NLRP1: variants seen among roughly 807,000 people sequenced by gnomAD.
NLRP1 encodes the protein NACHT, LRR and PYD domains-containing protein 1.
A neutral mutation model predicts 136.7 loss-of-function variants in NLRP1; 94 were observed. That is an observed-to-expected ratio of 0.69 (90% confidence interval 0.58 to 0.82). The LOEUF is 0.82. Ranked by LOEUF, NLRP1 falls within the 40% of genes least tolerant of loss-of-function variation. NLRP1 has a pLI of 0.00. For missense variants in NLRP1, 1,575 were observed against 1,802.7 expected, an observed-to-expected ratio of 0.87 and a Z score of 2.29; for synonymous variants, 690 against 725.1, an observed-to-expected ratio of 0.95 and a Z score of 0.78.
At chr17:5,582,580 C>T in intron 2 of NLRP1, 90 bp downstream of exon 2, 1 of 1,250,582 alleles carries the variant, frequency 8.0e-7, no homozygotes, top group Non-Finnish European at 1.1e-6. Flanking sequence ...CATGTCAGGT[C>T]CCCATGCACA....
At chr17:5,550,523 T>G (rs1913210895) in intron 5 of NLRP1, among the ~76,000 whole-genome samples, 1 of 152,210 alleles carries the variant, frequency 6.6e-6, no homozygotes, top group Admixed American at 6.5e-5. Context: ...TTTATTTCTG[T>G]AAGTTCAATT....
downstream of NLRP1, chr17:5,512,388 T>A: frequency 1.9e-6 from 2 of 1,072,394 alleles, no homozygotes; most frequent in Non-Finnish European, 2.9e-6. Flanking sequence ...ACTTGTAACA[T>A]CTTCTAGTGC....
chr17:5,550,213 G>A (rs560558361), intron 5 of NLRP1, among the ~76,000 whole-genome samples: 1 of 151,974 alleles, frequency 6.6e-6, no homozygotes, highest in East Asian at 1.9e-4. Flanking sequence ...TGGTCTCATA[G>A]AACAAATTGG....
intron 16 of NLRP1, 111 bp downstream of exon 16, chr17:5,515,362 T>C (rs1907955314): frequency 1.0e-6 from 1 of 960,228 alleles, no homozygotes; most frequent in East Asian, 2.4e-5. Flanking sequence ...CCTGACTCTT[T>C]GTGAGGTTTG....
chr17:5,538,186 G>A (rs1379805865), intron 7 of NLRP1, among the ~76,000 whole-genome samples: 1 of 152,136 alleles, frequency 6.6e-6, no homozygotes. Flanking sequence ...GGAGCCGTGG[G>A]TAAGTGTCAA....
intron 4 of NLRP1, 88 bp from the exon 5 acceptor site, chr17:5,553,644 G>T (rs183759446): frequency 1.5e-5 from 19 of 1,249,480 alleles, no homozygotes; most frequent in Middle Eastern, 2.3e-4. Context: ...GTTGGGCTTT[G>T]TCCCCCTGAG....
At chr17:5,547,846 A>C (rs1025808933) in intron 5 of NLRP1, among the ~76,000 whole-genome samples, 2 of 152,186 alleles carry the variant, frequency 1.3e-5, no homozygotes, top group Non-Finnish European at 2.9e-5. Context: ...ACTCCTTTTT[A>C]ATGAACAATC....
chr17:5,530,136 C>A, intron 12 of NLRP1: 1 of 465,066 alleles, frequency 2.2e-6, no homozygotes, highest in Non-Finnish European at 4.3e-6. Flanking sequence ...CTTAGCCTTA[C>A]TTTGTAAATG....
chr17:5,552,592 C>A (rs1250278598), intron 5 of NLRP1, among the ~76,000 whole-genome samples: 1 of 152,162 alleles, frequency 6.6e-6, no homozygotes, highest in African/African-American at 2.4e-5. Flanking sequence ...TTGCTTTGGT[C>A]AGAAACCTAA....
intron 4 of NLRP1, among the ~76,000 whole-genome samples, chr17:5,557,428 T>A (rs975439095): frequency 6.6e-6 from 1 of 152,214 alleles, no homozygotes; most frequent in African/African-American, 2.4e-5. Flanking sequence ...TACCCACTCG[T>A]GTGATCACTC....
chr17:5,529,039 C>T (rs35182192), intron 12 of NLRP1, among the ~76,000 whole-genome samples: 11,282 of 152,248 alleles, frequency 0.074, 555 homozygotes, highest in South Asian at 0.18. Context: ...ACTAAATTGA[C>T]AGACATTGGC....
intron 16 of NLRP1, 48 bp downstream of exon 16, chr17:5,515,425 C>G: frequency 6.7e-7 from 1 of 1,484,974 alleles, no homozygotes; most frequent in East Asian, 2.3e-5. Context: ...CCAGACAGTA[C>G]CCCAGAACTG....
chr17:5,552,730 G>C (rs1913532650), intron 5 of NLRP1, among the ~76,000 whole-genome samples: 1 of 152,072 alleles, frequency 6.6e-6, no homozygotes. Flanking sequence ...CAATACCATA[G>C]TCCAAGCTAT....
chr17:5,572,171 T>C (rs757893659), intron 3 of NLRP1, among the ~76,000 whole-genome samples: 1 of 152,206 alleles, frequency 6.6e-6, no homozygotes, highest in African/African-American at 2.4e-5. Flanking sequence ...GGAAATACTA[T>C]TCTGAACATA....
intron 5 of NLRP1, among the ~76,000 whole-genome samples, chr17:5,546,523 G>A (rs71368180): frequency 0.047 from 7,188 of 152,004 alleles, 198 homozygotes; most frequent in Middle Eastern, 0.085. Context: ...CCCCACTCCC[G>A]CCAATTTCTC....
At chr17:5,503,075 G>C (rs933106070) in intron 15 of NLRP1, 2 of 152,338 alleles carry the variant, frequency 1.3e-5, no homozygotes, top group African/African-American at 2.4e-5. Flanking sequence ...TAGAATGAAA[G>C]GGTGTGTAGG....
chr17:5,538,812 T>C (rs1911446389), intron 7 of NLRP1, among the ~76,000 whole-genome samples: 1 of 152,146 alleles, frequency 6.6e-6, no homozygotes, highest in South Asian at 2.1e-4. Flanking sequence ...GCAGCCTCAG[T>C]AATAGTTATC....
intron 3 of NLRP1, among the ~76,000 whole-genome samples, chr17:5,563,380 G>C (rs1914976544): frequency 1.3e-5 from 2 of 152,322 alleles, no homozygotes; most frequent in South Asian, 4.1e-4. Flanking sequence ...TAAGGAATAT[G>C]ATAAAATGAT....
intron 3 of NLRP1, 79 bp from the exon 4 acceptor site, chr17:5,560,122 C>A: frequency 7.6e-7 from 1 of 1,310,616 alleles, no homozygotes; most frequent in South Asian, 1.6e-5. Context: ...CTGTTTTAGG[C>A]ACCTACTCCA....
Sources: allele counts gnomAD v4.1 joint callset (sites outside exome capture counted in the v4.1 genomes callset), GRCh38; gene constraint gnomAD v4.1.1; transcripts MANE v1.5; gene names NCBI Gene and HGNC (gene_info 2026-07-23, HGNC 2026-07-21).